HMGB1: variants seen among roughly 807,000 people sequenced by gnomAD.
HMGB1 encodes the protein high mobility group box 1, also known as high mobility group protein B1.
For synonymous variants in HMGB1, 81 were observed against 84.0 expected (o/e 0.96, Z 0.19); for missense variants, 79 against 253.5 (o/e 0.31, Z 4.67).
chr13:30,569,650 G>A (rs548070229), intron 1 of HMGB1, among the ~76,000 whole-genome samples: 8 of 152,054 alleles, frequency 5.3e-5, no homozygotes, highest in South Asian at 2.1e-4. Flanking sequence ...ACCAGGCCTC[G>A]AGCTACTCAG....
intron 1 of HMGB1, among the ~76,000 whole-genome samples, chr13:30,581,510 G>A (rs1057505403): frequency 2.0e-5 from 3 of 152,182 alleles, no homozygotes; most frequent in African/African-American, 7.2e-5. Flanking sequence ...GTTGGGGCAG[G>A]GGTCACATGG....
intron 1 of HMGB1, among the ~76,000 whole-genome samples, chr13:30,535,966 C>T (rs550632291): frequency 1.7e-4 from 26 of 152,256 alleles, no homozygotes; most frequent in Admixed American, 1.6e-3. Flanking sequence ...AGCTAAGCAA[C>T]ACACTCAAGT....
At chr13:30,584,782 A>G (rs1871068635) in intron 1 of HMGB1, among the ~76,000 whole-genome samples, 1 of 152,204 alleles carries the variant, frequency 6.6e-6, no homozygotes, top group African/African-American at 2.4e-5. Flanking sequence ...AAATGCTTAC[A>G]ATTAACACAA....
At chr13:30,507,396 C>G (rs1887892743) in intron 1 of HMGB1, among the ~76,000 whole-genome samples, 1 of 152,216 alleles carries the variant, frequency 6.6e-6, no homozygotes, top group African/African-American at 2.4e-5. Context: ...TTCCTAGGAG[C>G]AAGAACTATT....
At chr13:30,557,232 T>C (rs56893872) in intron 1 of HMGB1, among the ~76,000 whole-genome samples, 16,946 of 152,194 alleles carry the variant, frequency 0.11, 3,147 homozygotes, top group African/African-American at 0.39. Flanking sequence ...GAATTCCAAT[T>C]TTTTAAGGGT....
At chr13:30,599,826 G>A (rs959739310) in intron 1 of HMGB1, among the ~76,000 whole-genome samples, 1 of 152,116 alleles carries the variant, frequency 6.6e-6, no homozygotes. Context: ...AGGGGATTAG[G>A]GCTTCAACCT....
At chr13:30,521,036 T>C (rs1441335700) in intron 1 of HMGB1, among the ~76,000 whole-genome samples, 1 of 152,180 alleles carries the variant, frequency 6.6e-6, no homozygotes, top group Non-Finnish European at 1.5e-5. Context: ...ATGACGACTG[T>C]GGCCTGGCAA....
intron 1 of HMGB1, among the ~76,000 whole-genome samples, chr13:30,498,868 G>C (rs1202626769): frequency 6.6e-6 from 1 of 151,424 alleles, no homozygotes; most frequent in African/African-American, 2.4e-5. Flanking sequence ...GACTGGTCTT[G>C]AACTTCTGAC....
intron 1 of HMGB1, among the ~76,000 whole-genome samples, chr13:30,606,201 G>A (rs1429022027): frequency 6.6e-6 from 1 of 152,144 alleles, no homozygotes; most frequent in Non-Finnish European, 1.5e-5. Flanking sequence ...TAGAAGGATA[G>A]TTTTTTAGGG....
At chr13:30,477,434 A>G (rs1190233872) in intron 1 of HMGB1, among the ~76,000 whole-genome samples, 1 of 152,158 alleles carries the variant, frequency 6.6e-6, no homozygotes, top group African/African-American at 2.4e-5. Flanking sequence ...GCTGAGGCTG[A>G]TTGAATAGGA....
intron 1 of HMGB1, among the ~76,000 whole-genome samples, chr13:30,471,807 T>C (rs958850665): frequency 6.6e-6 from 1 of 151,546 alleles, no homozygotes; most frequent in African/African-American, 2.4e-5. Flanking sequence ...TAGCTGGGAT[T>C]ACAGGCACGC....
intron 1 of HMGB1, among the ~76,000 whole-genome samples, chr13:30,588,156 CT>C (rs1177576305): frequency 6.6e-6 from 1 of 152,102 alleles, no homozygotes; most frequent in Non-Finnish European, 1.5e-5. Flanking sequence ...AATATCTATT[CT>C]TAGAAAATAA....
rs1222780792 is a variant in HMGB1, at chr13:30,457,857, C to T, written c.*3500G>A. Reference sequence around the variant, plus strand: ...GTTGTGGCAAGTGTTATTAGCACTGCCTTGGTATTAAGAGGACAAGAAAAT... The same window carrying T: ...GTTGTGGCAAGTGTTATTAGCACTGTCTTGGTATTAAGAGGACAAGAAAAT... On this transcript the variant is annotated 3_prime_UTR_variant, in exon 5 of 5. Transcript: ENST00000341423. 6.7e-6 allele frequency: 1 copy of T among 150,096 alleles called. No homozygotes were observed. The highest frequency in any genetic ancestry group is 1.5e-5 in the Non-Finnish European group (1 of 67,748). The allele number at this position is 150,096 out of a possible 1,614,324, so 9.3% of individuals were successfully genotyped here. A position where few individuals can be genotyped will look rare whatever the true frequency, so the allele number is the denominator to read the frequency against.
At chr13:30,588,584 A>C (rs1187477702) in intron 1 of HMGB1, among the ~76,000 whole-genome samples, 1 of 152,228 alleles carries the variant, frequency 6.6e-6, no homozygotes, top group Non-Finnish European at 1.5e-5. Context: ...CTTAAAGTTG[A>C]GTCAAAAGAG....
chr13:30,545,829 G>A (rs1869131786), intron 1 of HMGB1, among the ~76,000 whole-genome samples: 1 of 152,098 alleles, frequency 6.6e-6, no homozygotes, highest in South Asian at 2.1e-4. Flanking sequence ...AACTTCCTGA[G>A]TAGCTAGGAC....
intron 1 of HMGB1, among the ~76,000 whole-genome samples, chr13:30,516,403 ATTAATT>A (rs1352705301): frequency 2.0e-5 from 3 of 152,170 alleles, no homozygotes; most frequent in African/African-American, 4.8e-5. Flanking sequence ...TAACAACTGT[ATTAATT>A]TTAACAAAAT....
In HMGB1 at chr13:30,616,336, G is replaced by A. The variant is rs574752774; in HGVS notation, c.-15+335C>T. Among the ~76,000 whole-genome samples the A allele has an allele frequency of 3.3e-5, 5 of 152,300 alleles. No homozygotes were observed. In the South Asian group the frequency reaches 1.0e-3, roughly 32 times the overall value. ...TGAAAGACTAAAATTCAACTTTGCAGACAACGTTTTAAAAAATACAATTCA... is the reference window on the plus strand; with the variant it reads ...TGAAAGACTAAAATTCAACTTTGCAAACAACGTTTTAAAAAATACAATTCA... On this transcript the variant is annotated intron_variant, in intron 1 of 4. Coordinates refer to the HMGB1 transcript ENST00000405805.
intron 1 of HMGB1, among the ~76,000 whole-genome samples, chr13:30,582,321 T>G (rs1870934118): frequency 6.6e-6 from 1 of 152,164 alleles, no homozygotes. Flanking sequence ...GAATGAAAAT[T>G]ATGATATCAT....
At chr13:30,585,586 GA>G (rs1357058755) in intron 1 of HMGB1, among the ~76,000 whole-genome samples, 1 of 151,894 alleles carries the variant, frequency 6.6e-6, no homozygotes, top group African/African-American at 2.4e-5. Context: ...GCTGAGGGGG[GA>G]GAATCGCTTG....
Sources: gnomAD v4.1 joint callset for allele counts (sites outside exome capture counted in the v4.1 genomes callset) on GRCh38, gnomAD v4.1.1 for gene constraint, MANE v1.5 for transcripts, NCBI Gene and HGNC (gene_info 2026-07-23, HGNC 2026-07-21) for gene names.